Variants in CBLN1 observed in about 807,000 individuals in gnomAD.
CBLN1 encodes the protein cerebellin-1.
A neutral mutation model predicts 15.9 loss-of-function variants in CBLN1; 5 were observed. That is an observed-to-expected ratio of 0.31 (90% confidence interval 0.16 to 0.66). The LOEUF (loss-of-function observed/expected upper bound fraction) is 0.66. Ranked by LOEUF, CBLN1 falls within the 30% of genes least tolerant of loss-of-function variation. CBLN1 has a pLI of 0.75. For synonymous variants in CBLN1, 90 were observed against 107.6 expected (o/e 0.84, Z 1.01); for missense variants, 164 against 253.7 (o/e 0.65, Z 2.40).
Position 49,279,454 on chromosome 16 carries a change from C to T in CBLN1, c.532G>A (p.Gly178Arg). 1 of 1,614,202 alleles carries T rather than the reference C, an allele frequency of 6.2e-7. No individual in the cohort carries two copies. The change falls in exon 3 of 3, where the codon GGG (glycine) becomes AGG (arginine). Residue 178 changes from glycine to arginine, a missense_variant. By Grantham distance (125) the Gly-to-Arg change is moderately radical. Transcript: ENST00000219197. ...YLKLERGNLM[G>R]GWKYSTFSGF... Reference sequence around the variant, plus strand: ...GAGAAGGTCGAGTACTTCCAGCCCCCCATCAAGTTTCCCCGCTCCAGCTTG... The same window carrying T: ...GAGAAGGTCGAGTACTTCCAGCCCCTCATCAAGTTTCCCCGCTCCAGCTTG...
chr16:49,281,604 T>A lies in CBLN1; in HGVS notation c.-139A>T. On this transcript the variant is annotated 5_prime_UTR_variant, in exon 1 of 3. It adds an upstream start codon to the 5' untranslated region. Transcript: ENST00000219197. ...GCCGCCGCTCTGGACACTACACCTC[T>A]TCCTCGCACTCCGGGACTAGCGTCC... 2.3e-6 allele frequency: 1 copy of A among 427,152 alleles called. No individual in the cohort carries two copies. The highest frequency in any genetic ancestry group is 3.9e-6 in the Non-Finnish European group (1 of 258,710). The allele number at this position is 427,152 out of a possible 1,614,324, so 26.5% of individuals were successfully genotyped here. A position where few individuals can be genotyped will look rare whatever the true frequency, so the allele number is the denominator to read the frequency against.
At chr16:49,280,723 G>A (rs1242018987) in intron 2 of CBLN1, among the ~76,000 whole-genome samples, 200 bp downstream of exon 2, 4 of 152,180 alleles carry the variant, frequency 2.6e-5, no homozygotes, top group African/African-American at 9.6e-5. Flanking sequence ...GGGGGATGGG[G>A]CTGGATCCCA....
chr16:49,281,518 C>A lies in CBLN1; in HGVS notation c.-53G>T. 8.7e-7 allele frequency: 1 copy of A among 1,155,792 alleles called. No individual in the cohort carries two copies. The highest frequency in any genetic ancestry group is 2.2e-5 in the South Asian group (1 of 45,374). 71.6% of individuals were successfully genotyped at this position (1,155,792 alleles called of 1,614,324 possible). A position where few individuals can be genotyped will look rare whatever the true frequency, so the allele number is the denominator to read the frequency against. ...CACCCCCAGGGCTGCTCGCGCCAGC[C>A]GCCCCCCCCGTCCCAGTCCCGCTCC... On this transcript the variant is annotated 5_prime_UTR_variant, in exon 1 of 3. Coordinates refer to ENST00000219197, the MANE Select transcript of CBLN1 (RefSeq NM_004352.4).
In CBLN1 at chr16:49,281,378, G is replaced by A. The variant is rs1390601981; in HGVS notation, c.88C>T (p.Leu30=). Residue 30 remains leucine, a synonymous_variant, in exon 1 of 3, where the codon CTG becomes TTG. Coordinates refer to ENST00000219197, the MANE Select transcript of CBLN1 (RefSeq NM_004352.4). ...CACACCACCAGGCACTTGCCCTCCA[G>A]CACGATGGGCTCCGTCTCATTCTGC... is the stretch of plus-strand genomic sequence containing the variant. The part of the protein sequence containing the change: ...RGQNETEPIV[L]EGKCLVVCDS... The A allele has an allele frequency of 6.2e-7, 1 of 1,608,550 alleles. No homozygotes were observed. Among genetic ancestry groups the A allele is most frequent in the Non-Finnish European group, 8.5e-7 (1 of 1,179,810 alleles).
chr16:49,281,192 G>A lies in CBLN1; in HGVS notation c.264+10C>T. On this transcript the variant is annotated intron_variant, in intron 1 of 2. Transcript: ENST00000219197. ...CCAATCTGCACGCCGCGGGAGGAAG[G>A]AACACTCACCTGGTCGAAGTAGATG... is the stretch of plus-strand genomic sequence containing the variant. The A allele has an allele frequency of 6.2e-7, 1 of 1,614,164 alleles. No individual in the cohort carries two copies. Among genetic ancestry groups the A allele is most frequent in the Non-Finnish European group, 8.5e-7 (1 of 1,180,042 alleles).
In CBLN1 at chr16:49,280,984, C is replaced by G. The variant is rs1189647496; in HGVS notation, c.323G>C (p.Arg108Pro). Residue 108 changes from arginine to proline, a missense_variant, in exon 2 of 3, where the codon CGC becomes CCC. Physicochemically the swap from Arg to Pro is moderately radical, Grantham distance 103 (BLOSUM62 -2). Transcript: ENST00000219197. Reference sequence around the variant, plus strand: ...GAAGTTAAAACTGTAGATCCCTTTGCGCGGGGCGATGAAAGTGCTGCGTTC... The same window carrying G: ...GAAGTTAAAACTGTAGATCCCTTTGGGCGGGGCGATGAAAGTGCTGCGTTC... ...DSERSTFIAP[R>P]KGIYSFNFHV... is the part of the protein sequence containing the mutation. The G allele has an allele frequency of 6.2e-7, 1 of 1,614,216 alleles. No individual in the cohort carries two copies.
In CBLN1 at chr16:49,279,314, G is replaced by T. The variant is rs1273652307; in HGVS notation, c.*90C>A. 8.2e-7 allele frequency: 1 copy of T among 1,220,836 alleles called. No individual in the cohort carries two copies. The highest frequency in any genetic ancestry group is 1.2e-6 in the Non-Finnish European group (1 of 838,778). 75.6% of individuals were successfully genotyped at this position (1,220,836 alleles called of 1,614,324 possible). ...GAACATGTAGGAAGTTTCAAGTCGTGCTGCTTTCTCGCCCTCTTAATTTCA... is the reference window on the plus strand; with the variant it reads ...GAACATGTAGGAAGTTTCAAGTCGTTCTGCTTTCTCGCCCTCTTAATTTCA... On this transcript the variant is annotated 3_prime_UTR_variant, in exon 3 of 3. Transcript: ENST00000219197.
chr16:49,279,328 C>T lies in CBLN1; in HGVS notation c.*76G>A. 1 of 1,369,492 alleles carries T rather than the reference C, an allele frequency of 7.3e-7. No homozygotes were observed. The highest frequency in any genetic ancestry group is 1.0e-6 in the Non-Finnish European group (1 of 964,668). 84.8% of individuals were successfully genotyped at this position (1,369,492 alleles called of 1,614,324 possible). A position where few individuals can be genotyped will look rare whatever the true frequency, so the allele number is the denominator to read the frequency against. On this transcript the variant is annotated 3_prime_UTR_variant, in exon 3 of 3. Transcript: ENST00000219197. The stretch of plus-strand genomic sequence containing the variant: ...TTTCAAGTCGTGCTGCTTTCTCGCC[C>T]TCTTAATTTCAGCCTCTTTCTCACT...
At chr16:49,280,810 G>T in intron 2 of CBLN1, 113 bp downstream of exon 2, 2 of 1,199,982 alleles carry the variant, frequency 1.7e-6, no homozygotes, top group Non-Finnish European at 2.4e-6. Flanking sequence ...CCTCCAAGCA[G>T]CCCGAAGTAC....
At chr16:49,279,646 C>A (rs1349267385) in intron 2 of CBLN1, 45 bp from the exon 3 acceptor site, 1 of 1,594,186 alleles carries the variant, frequency 6.3e-7, no homozygotes, top group East Asian at 2.2e-5. Context: ...CCTAGGCAGG[C>A]ACCGAAGCCG....
Position 49,279,448 on chromosome 16 carries a change from A to G in CBLN1, c.538T>C (p.Trp180Arg). 1 of 1,614,168 alleles carries G rather than the reference A, an allele frequency of 6.2e-7. No homozygotes were observed. Among genetic ancestry groups the G allele is most frequent in the Non-Finnish European group, 8.5e-7 (1 of 1,180,026 alleles). The change falls in exon 3 of 3, where the codon TGG becomes CGG. Residue 180 changes from tryptophan (W) to arginine (R), a missense_variant. Around this residue, in one of 3 missense-constraint regions of CBLN1, gnomAD observed 29 missense variants for 38.0 expected, o/e 0.76. Transcript: ENST00000219197. ...AATCCGGAGAAGGTCGAGTACTTCC[A>G]GCCCCCCATCAAGTTTCCCCGCTCC... is the stretch of plus-strand genomic sequence containing the variant. ...KLERGNLMGG[W>R]KYSTFSGFLV...
chr16:49,279,684 G>A (rs1424638622), intron 2 of CBLN1, 83 bp from the exon 3 acceptor site: 2 of 997,940 alleles, frequency 2.0e-6, no homozygotes, highest in East Asian at 6.2e-5. Context: ...TCCTTGCTTG[G>A]CTAACAGCCT....
chr16:49,281,086 C>A, intron 1 of CBLN1, 44 bp from the exon 2 acceptor site: 1 of 1,614,198 alleles, frequency 6.2e-7, no homozygotes, highest in Non-Finnish European at 8.5e-7. Flanking sequence ...GGAATCGGTC[C>A]CGGACTGTCG....
rs1963224802 is a variant in CBLN1, at chr16:49,278,640, C to T, written c.*764G>A. On this transcript the variant is annotated 3_prime_UTR_variant, in exon 3 of 3. Transcript: ENST00000219197. ...GAAGCTCCTTGGCGTTTCGTGGAGT[C>T]ACAGAGCACGACGGCATTGACAAGC... 1 of 152,244 alleles carries T rather than the reference C, an allele frequency of 6.6e-6. No individual in the cohort carries two copies. Among genetic ancestry groups the T allele is most frequent in the Non-Finnish European group, 1.5e-5 (1 of 68,072 alleles). The allele number at this position is 152,244 out of a possible 1,614,324, so 9.4% of individuals were successfully genotyped here. A position where few individuals can be genotyped will look rare whatever the true frequency, so the allele number is the denominator to read the frequency against.
chr16:49,279,709 C>T, intron 2 of CBLN1, 108 bp from the exon 3 acceptor site: 1 of 530,614 alleles, frequency 1.9e-6, no homozygotes, highest in African/African-American at 2.3e-5. Context: ...GGCCTGGAAG[C>T]ACGGAGAGGT....
chr16:49,281,537 C>A lies in CBLN1; in HGVS notation c.-72G>T. 1 of 1,117,774 alleles carries A rather than the reference C, an allele frequency of 8.9e-7. No individual in the cohort carries two copies. The highest frequency in any genetic ancestry group is 2.4e-5 in the South Asian group (1 of 41,488). 69.2% of individuals were successfully genotyped at this position (1,117,774 alleles called of 1,614,324 possible). ...GCCAGCCGCCCCCCCCGTCCCAGTCCCGCTCCGAAGCCCCCTCCTCAGCTC... is the reference window on the plus strand; with the variant it reads ...GCCAGCCGCCCCCCCCGTCCCAGTCACGCTCCGAAGCCCCCTCCTCAGCTC... On this transcript the variant is annotated 5_prime_UTR_variant, in exon 1 of 3. Transcript: ENST00000219197.
At position 49,281,408 on chromosome 16, in the gene CBLN1, G is replaced by T. The variant is rs375518537; in HGVS notation, c.58C>A (p.Arg20Ser). The T allele has an allele frequency of 1.2e-6, 2 of 1,600,372 alleles. No homozygotes were observed. Among genetic ancestry groups the T allele is most frequent in the African/African-American group, 1.3e-5 (1 of 74,858 alleles). Reference protein sequence around the residue: ...LGAAWLAGPARGQNETEPIVL... With the variant: ...LGAAWLAGPASGQNETEPIVL... ...ATGGGCTCCGTCTCATTCTGCCCGC[G>T]GGCCGGGCCCGCCAGCCACGCAGCC... The change falls in exon 1 of 3, where the codon CGC (arginine) becomes AGC (serine). Residue 20 changes from arginine (R) to serine (S), a missense_variant. Physicochemically the swap from Arg to Ser is moderately radical, Grantham distance 110. Coordinates refer to ENST00000219197, the MANE Select transcript of CBLN1 (RefSeq NM_004352.4).
Position 49,278,270 on chromosome 16 carries a change from G to C in CBLN1, c.*1134C>G, listed in dbSNP as rs1963219254. 6.6e-6 allele frequency: 1 copy of C among 152,306 alleles called. No individual in the cohort carries two copies. Among genetic ancestry groups the C allele is most frequent in the South Asian group, 2.1e-4 (1 of 4,836 alleles). The allele number at this position is 152,306 out of a possible 1,614,324, so 9.4% of individuals were successfully genotyped here. On this transcript the variant is annotated 3_prime_UTR_variant, in exon 3 of 3. Coordinates refer to ENST00000219197, the MANE Select transcript of CBLN1 (RefSeq NM_004352.4). ...CGCTCCTGGGCCGGCGGCCGCGCCT[G>C]GCCTAGCAAGATTTCGGCCACATTT...
At chr16:49,280,517 C>T (rs1022835862) in intron 2 of CBLN1, among the ~76,000 whole-genome samples, 1 of 152,212 alleles carries the variant, frequency 6.6e-6, no homozygotes, top group African/African-American at 2.4e-5. Flanking sequence ...AAGACAAGCA[C>T]GCAAGCCGCA....
Sources: gnomAD v4.1 joint callset for allele counts (sites outside exome capture counted in the v4.1 genomes callset) on GRCh38, gnomAD v4.1.1 for gene constraint, gnomAD v4.1.1 regional missense constraint, MANE v1.5 for transcripts, NCBI Gene and HGNC (gene_info 2026-07-23, HGNC 2026-07-21) for gene names.